Variants in RIC1 observed in about 807,000 individuals in gnomAD.
The protein encoded by RIC1 is guanine nucleotide exchange factor subunit RIC1.
In RIC1, 88 loss-of-function variants were observed where a neutral mutation model predicts 169.0. The ratio of observed to expected loss-of-function variants is 0.52; its 90% CI spans 0.44 to 0.62. The LOEUF (loss-of-function observed/expected upper bound fraction) is 0.62, where lower values mean the gene tolerates loss of function less well. RIC1 is among the 20% of genes least tolerant of loss of function. The pLI is 0.00. For synonymous variants in RIC1, 790 were observed against 601.5 expected (o/e 1.31, Z -4.59); for missense variants, 1,877 against 1,725.5 (o/e 1.09, Z -1.56).
chr9:5,743,409 C>T (rs578211649), intron 9 of RIC1, among the ~76,000 whole-genome samples: 1 of 152,226 alleles, frequency 6.6e-6, no homozygotes, highest in South Asian at 2.1e-4. Flanking sequence ...GTTGGTATCT[C>T]TGCCCACTTC....
chr9:5,723,991 G>C (rs370814923), intron 6 of RIC1, among the ~76,000 whole-genome samples: 8 of 152,134 alleles, frequency 5.3e-5, no homozygotes, highest in Admixed American at 2.0e-4. Flanking sequence ...GTCAGGTAGC[G>C]TGATGCCTCC....
intron 3 of RIC1, among the ~76,000 whole-genome samples, chr9:5,703,055 C>T (rs1351679074): frequency 6.6e-6 from 1 of 152,150 alleles, no homozygotes; most frequent in South Asian, 2.1e-4. Context: ...TCATGTCTTT[C>T]TCACATTTAA....
chr9:5,765,466 C>T lies in RIC1; in HGVS notation c.2894C>T (p.Thr965Ile). Residue 965 changes from threonine to isoleucine, a missense_variant, in exon 20 of 26, where the codon ACA becomes ATA. Physicochemically the swap from Thr to Ile is moderately conservative, Grantham distance 89. Transcript: ENST00000414202. ...CAACATGCTACCCTTCTATTCAACACAGCACTAGAACAAGGCAAGTGGGAC... is the reference window on the plus strand; with the variant it reads ...CAACATGCTACCCTTCTATTCAACATAGCACTAGAACAAGGCAAGTGGGAC... ...SRQHATLLFN[T>I]ALEQGKWDLC... 1.2e-6 allele frequency: 2 copies of T among 1,614,172 alleles called. No individual in the cohort carries two copies. The highest frequency in any genetic ancestry group is 1.7e-6 in the Non-Finnish European group (2 of 1,179,986).
intron 3 of RIC1, among the ~76,000 whole-genome samples, chr9:5,696,196 A>G (rs551743159): frequency 6.6e-5 from 10 of 151,040 alleles, no homozygotes; most frequent in Non-Finnish European, 1.2e-4. Context: ...TCACTAACTC[A>G]TTTCTCTTCC....
intron 1 of RIC1, among the ~76,000 whole-genome samples, chr9:5,639,648 C>G (rs1818139187): frequency 6.6e-6 from 1 of 152,174 alleles, no homozygotes; most frequent in Admixed American, 6.5e-5. Flanking sequence ...TGTTGAGTTT[C>G]TGTCTGGGAG....
At chr9:5,635,646 AT>A in intron 1 of RIC1, among the ~76,000 whole-genome samples, 1 of 152,240 alleles carries the variant, frequency 6.6e-6, no homozygotes, top group East Asian at 1.9e-4. Context: ...CCCAAATTTC[AT>A]CTCTAATCGT....
In RIC1 at chr9:5,699,495, CTT is replaced by C. The variant is rs201602959; in HGVS notation, c.332+9469_332+9470del. ...GTATAGCTTACATTTATTTCAATGTCTTTTTTTTTTTTTCAAAAAACTGTTTG... is the reference window on the plus strand; with the variant it reads ...GTATAGCTTACATTTATTTCAATGTCTTTTTTTTTTTCAAAAAACTGTTTG... On this transcript the variant is annotated intron_variant, in intron 3 of 25. Coordinates refer to ENST00000414202, the MANE Select transcript of RIC1 (RefSeq NM_020829.4). Among the ~76,000 whole-genome samples the C allele has an allele frequency of 5.3e-3, 753 of 142,654 alleles. 3 individuals are homozygous for C. The highest frequency in any genetic ancestry group is 0.014 in the Middle Eastern group (4 of 278). 93.6% of individuals were successfully genotyped at this position (142,654 alleles called of 152,430 possible). A position where few individuals can be genotyped will look rare whatever the true frequency, so the allele number is the denominator to read the frequency against.
intron 21 of RIC1, among the ~76,000 whole-genome samples, chr9:5,767,492 T>TTTC (rs397778676): frequency 1.3e-5 from 2 of 151,740 alleles, no homozygotes; most frequent in African/African-American, 4.8e-5. Flanking sequence ...TTTTTTTTTT[T>TTTC]CCCCAGGACA....
At chr9:5,724,388 G>C (rs2130885023) in intron 6 of RIC1, among the ~76,000 whole-genome samples, 1 of 152,322 alleles carries the variant, frequency 6.6e-6, no homozygotes, top group East Asian at 1.9e-4. Context: ...AGGAATGCTT[G>C]TGATTTTTGC....
At chr9:5,695,816 C>A (rs1163853523) in intron 3 of RIC1, among the ~76,000 whole-genome samples, 2 of 152,066 alleles carry the variant, frequency 1.3e-5, no homozygotes, top group African/African-American at 4.8e-5. Flanking sequence ...AGTGATCTGC[C>A]TGCCTCGGCC....
chr9:5,714,039 G>C, intron 4 of RIC1, 36 bp downstream of exon 4: 3 of 1,355,614 alleles, frequency 2.2e-6, no homozygotes, highest in Non-Finnish European at 3.1e-6. Context: ...ATTGTGTGAT[G>C]ACAGTAGACA....
Position 5,746,050 on chromosome 9 carries a change from T to TATTA in RIC1, c.1217_1220dup (p.Lys407AsnfsTer2). On this transcript the variant is annotated frameshift_variant, in exon 11 of 26. Transcript: ENST00000414202. LOFTEE classifies it high-confidence loss of function. ...AGCCCAGCATCCTGTTATTTCAGTT[T>TATTA]ATTAAGAGTGTACTCACTGTAAACC... The TATTA allele has an allele frequency of 6.2e-7, 1 of 1,613,698 alleles. No individual in the cohort carries two copies.
intron 17 of RIC1, among the ~76,000 whole-genome samples, chr9:5,759,635 A>G (rs1392156107): frequency 6.6e-6 from 1 of 152,224 alleles, no homozygotes; most frequent in African/African-American, 2.4e-5. Flanking sequence ...GAGAGAAAGT[A>G]GGGAATAATT....
rs769556596 is a variant in RIC1 at position 5,749,764 on chromosome 9, C to CT, written c.1452+2289dup. Among the ~76,000 whole-genome samples, 215 of 36,330 alleles carry CT rather than the reference C, an allele frequency of 5.9e-3. 27 individuals are homozygous for CT. The highest frequency in any genetic ancestry group is 0.038 in the East Asian group (28 of 728). The allele number at this position is 36,330 out of a possible 152,430, so 23.8% of individuals were successfully genotyped here. On this transcript the variant is annotated intron_variant, in intron 12 of 25. Transcript: ENST00000414202. ...TTGGTAACTGGCAGTAAAGGCGGTG[C>CT]TTTTTTTTTTTTTTTTTTTTTTTTT... is the stretch of plus-strand genomic sequence containing the variant.
At chr9:5,738,584 G>C in intron 8 of RIC1, 46 bp downstream of exon 8, 1 of 1,130,242 alleles carries the variant, frequency 8.8e-7, no homozygotes, top group Non-Finnish European at 1.2e-6. Context: ...TTAATGTACT[G>C]GTATTGCCAT....
chr9:5,765,592 C>G lies in RIC1; in HGVS notation c.3000+20C>G. ...GCTCAGGTTAGTTGCAAAAGTTACACATCTTCTCTAGGCCATACACCCACG... is the reference window on the plus strand; with the variant it reads ...GCTCAGGTTAGTTGCAAAAGTTACAGATCTTCTCTAGGCCATACACCCACG... On this transcript the variant is annotated intron_variant, in intron 20 of 25. Coordinates refer to ENST00000414202, the MANE Select transcript of RIC1 (RefSeq NM_020829.4). 2.5e-6 allele frequency: 4 copies of G among 1,613,980 alleles called. No homozygotes were observed. Among genetic ancestry groups the G allele is most frequent in the East Asian group, 2.2e-5 (1 of 44,890 alleles).
intron 2 of RIC1, among the ~76,000 whole-genome samples, chr9:5,675,102 C>G (rs1305737619): frequency 6.6e-6 from 1 of 152,184 alleles, no homozygotes; most frequent in African/African-American, 2.4e-5. Context: ...GGGTTCTTAT[C>G]CCTGACGCAC....
chr9:5,714,053 T>G (rs1456423932), intron 4 of RIC1, 50 bp downstream of exon 4: 1 of 1,202,896 alleles, frequency 8.3e-7, no homozygotes, highest in Non-Finnish European at 1.2e-6. Context: ...GTAGACAATG[T>G]AGTTCGTAAA....
chr9:5,694,495 G>A (rs1199029897), intron 3 of RIC1, among the ~76,000 whole-genome samples: 2 of 152,148 alleles, frequency 1.3e-5, no homozygotes, highest in Non-Finnish European at 2.9e-5. Flanking sequence ...TGATTTCAGT[G>A]TGTTTATATT....
Sources: allele counts gnomAD v4.1 joint callset (sites outside exome capture counted in the v4.1 genomes callset), GRCh38; gene constraint gnomAD v4.1.1; transcripts MANE v1.5; gene names NCBI Gene and HGNC (gene_info 2026-07-23, HGNC 2026-07-21).